The following CNBD1 variants were observed in gnomAD, a reference collection of about 807,000 sequenced individuals.
CNBD1 encodes the protein cyclic nucleotide-binding domain-containing protein 1.
In CNBD1, 71 loss-of-function variants were observed where a neutral mutation model predicts 54.4. The ratio of observed to expected loss-of-function variants is 1.30; its 90% CI spans 1.08 to 1.59. The LOEUF (loss-of-function observed/expected upper bound fraction) is 1.59, where lower values mean the gene tolerates loss of function less well. Ranked by LOEUF, CNBD1 falls within the 40% of genes most tolerant of loss-of-function variation. CNBD1 has a pLI of 0.00. For missense variants in CNBD1, 659 were observed against 518.0 expected (o/e 1.27, Z -2.64); for synonymous variants, 182 against 170.7 (o/e 1.07, Z -0.51).
chr8:87,236,922 T>C lies in CNBD1; in HGVS notation c.581T>C (p.Val194Ala). The C allele has an allele frequency of 1.9e-6, 3 of 1,587,502 alleles. No homozygotes were observed. Among genetic ancestry groups the C allele is most frequent in the Non-Finnish European group, 2.6e-6 (3 of 1,165,852 alleles). Residue 194 changes from valine to alanine, a missense_variant, in exon 6 of 11, where the codon GTT becomes GCT. Val to Ala is a moderately conservative substitution (Grantham distance 64, BLOSUM62 0). Coordinates refer to ENST00000518476, the MANE Select transcript of CNBD1 (RefSeq NM_173538.3). ...TTTTTGGCTTTGTTTTTTTCAGTGG[T>C]TGCAAATGATGGATTTTATGTAATA... The part of the protein sequence containing the change: ...SETWLKGSTV[V>A]ANDGFYVILK...
At chr8:87,144,820 CA>C (rs58385807) in intron 4 of CNBD1, among the ~76,000 whole-genome samples, 45,522 of 104,300 alleles carry the variant, frequency 0.44, 6,535 homozygotes, top group Non-Finnish European at 0.44. Context: ...AACTATGCCT[CA>C]AAAAAAAAAA....
intron 4 of CNBD1, among the ~76,000 whole-genome samples, chr8:87,119,432 A>G (rs1252831718): frequency 6.6e-6 from 1 of 151,860 alleles, no homozygotes; most frequent in Non-Finnish European, 1.5e-5. Context: ...TTGATTTTGT[A>G]TACTGCAACT....
intron 4 of CNBD1, among the ~76,000 whole-genome samples, chr8:87,033,323 G>C (rs1563442916): frequency 6.6e-6 from 1 of 152,110 alleles, no homozygotes; most frequent in Non-Finnish European, 1.5e-5. Flanking sequence ...CAGTGCCTTT[G>C]GTGTAGAACT....
At chr8:87,029,809 T>C (rs1422650805) in intron 4 of CNBD1, among the ~76,000 whole-genome samples, 1 of 152,168 alleles carries the variant, frequency 6.6e-6, no homozygotes, top group African/African-American at 2.4e-5. Context: ...ATTTTTGGTG[T>C]GATTGTCAAT....
At chr8:86,940,257 C>A (rs979551430) in intron 4 of CNBD1, among the ~76,000 whole-genome samples, 2 of 151,194 alleles carry the variant, frequency 1.3e-5, no homozygotes, top group Admixed American at 1.3e-4. Context: ...ACCTCCGCCT[C>A]CTGGGTTCAA....
intron 2 of CNBD1, among the ~76,000 whole-genome samples, chr8:87,397,564 A>G (rs1811431987): frequency 6.6e-6 from 1 of 151,940 alleles, no homozygotes; most frequent in African/African-American, 2.4e-5. Context: ...AGAGTGCTAG[A>G]AATGTAGTGA....
intron 8 of CNBD1, among the ~76,000 whole-genome samples, chr8:87,300,920 T>C (rs377083674): frequency 3.9e-5 from 6 of 152,130 alleles, no homozygotes; most frequent in African/African-American, 1.4e-4. Context: ...GTTGGTTCTT[T>C]GAAAAAATAA....
intron 4 of CNBD1, among the ~76,000 whole-genome samples, chr8:87,178,016 T>C (rs1356438018): frequency 1.3e-5 from 2 of 152,178 alleles, no homozygotes; most frequent in East Asian, 3.8e-4. Flanking sequence ...CAAATTGTCA[T>C]GAAGCTTAAA....
chr8:87,390,194 A>T (rs1013166559), intron 2 of CNBD1, among the ~76,000 whole-genome samples: 1 of 152,156 alleles, frequency 6.6e-6, no homozygotes, highest in Non-Finnish European at 1.5e-5. Flanking sequence ...ATGGGCAAGG[A>T]CTTCATGTCT....
In CNBD1 at chr8:87,284,771, G is replaced by GAAAAAA; in HGVS notation, c.868_869insAAAAAA (p.Glu289_Ile290insLysLys). On this transcript the variant is annotated inframe_insertion, in exon 7 of 11. Transcript: ENST00000518476. ...CTCGGTGGTGACAGAAGACGATTGT[G>GAAAAAA]AAATTCTTAAAATCCCAGCAAAGGG... The GAAAAAA allele has an allele frequency of 6.3e-7, 1 of 1,586,426 alleles. No individual in the cohort carries two copies. The highest frequency in any genetic ancestry group is 8.6e-7 in the Non-Finnish European group (1 of 1,166,016).
intron 3 of CNBD1, among the ~76,000 whole-genome samples, chr8:86,932,721 T>C (rs908197889): frequency 6.6e-6 from 1 of 152,156 alleles, no homozygotes; most frequent in African/African-American, 2.4e-5. Context: ...CAGCTTCTTT[T>C]TCAGGGCTTG....
intron 4 of CNBD1, among the ~76,000 whole-genome samples, chr8:87,151,246 G>A (rs1389234459): frequency 6.6e-6 from 1 of 152,156 alleles, no homozygotes; most frequent in Non-Finnish European, 1.5e-5. Context: ...TAGATGGGGT[G>A]CGTACATATT....
At chr8:86,870,083 A>G (rs1199987660) in intron 1 of CNBD1, among the ~76,000 whole-genome samples, 3 of 151,660 alleles carry the variant, frequency 2.0e-5, no homozygotes, top group African/African-American at 4.8e-5. Context: ...AATTCACCAG[A>G]CATTTCTAGG....
chr8:86,925,624 G>A (rs1284314796), intron 3 of CNBD1, among the ~76,000 whole-genome samples: 1 of 150,276 alleles, frequency 6.7e-6, no homozygotes, highest in East Asian at 2.0e-4. Flanking sequence ...TATAATACAG[G>A]AATATATGCA....
chr8:86,915,056 C>T (rs1033613258), intron 3 of CNBD1, among the ~76,000 whole-genome samples: 17 of 152,124 alleles, frequency 1.1e-4, no homozygotes, highest in African/African-American at 3.9e-4. Context: ...TTACTCAAAT[C>T]AGTTTCTCAG....
intron 8 of CNBD1, among the ~76,000 whole-genome samples, chr8:87,302,663 G>T (rs1288931284): frequency 6.6e-6 from 1 of 151,748 alleles, no homozygotes. Context: ...AGGAAATAAA[G>T]GGTATTCAAT....
chr8:87,424,882 G>T (rs1364249372), intron 2 of CNBD1, among the ~76,000 whole-genome samples: 1 of 152,008 alleles, frequency 6.6e-6, no homozygotes, highest in African/African-American at 2.4e-5. Context: ...TGCTAGATTG[G>T]GGAAATTCTC....
intron 5 of CNBD1, among the ~76,000 whole-genome samples, chr8:87,227,038 T>C (rs1220394977): frequency 1.3e-5 from 2 of 151,080 alleles, no homozygotes; most frequent in African/African-American, 4.9e-5. Flanking sequence ...TTGAAGTCTG[T>C]TTTATCAGAG....
chr8:87,244,610 C>T (rs1196626396), intron 6 of CNBD1, among the ~76,000 whole-genome samples: 1 of 152,124 alleles, frequency 6.6e-6, no homozygotes, highest in Non-Finnish European at 1.5e-5. Flanking sequence ...TCATCTGCCC[C>T]TCCTCCACTT....
Sources: allele counts gnomAD v4.1 joint callset (sites outside exome capture counted in the v4.1 genomes callset), GRCh38; gene constraint gnomAD v4.1.1; transcripts MANE v1.5; gene names NCBI Gene and HGNC (gene_info 2026-07-23, HGNC 2026-07-21).